LRRTM4: variants seen among roughly 807,000 people sequenced by gnomAD.
The protein encoded by LRRTM4 is leucine rich repeat transmembrane neuronal 4.
Under a neutral mutation model 47.6 loss-of-function variants are expected in LRRTM4, and 25 were observed. The observed-to-expected ratio is 0.53, with a 90% CI of 0.38 to 0.73. LRRTM4 has a LOEUF of 0.73. Among genes scored for constraint, LRRTM4 ranks in the 30% least tolerant of loss-of-function variants. The probability of loss-of-function intolerance (pLI) is 0.00; values close to 1 mark genes in which losing one functional copy is unlikely to be tolerated. For missense variants in LRRTM4, 638 were observed against 713.4 expected (o/e 0.89, Z 1.20); for synonymous variants, 311 against 269.5 (o/e 1.15, Z -1.51).
intron 3 of LRRTM4, among the ~76,000 whole-genome samples, chr2:77,185,727 C>T (rs1199667644): frequency 6.6e-6 from 1 of 152,118 alleles, no homozygotes; most frequent in African/African-American, 2.4e-5. Flanking sequence ...TAAACCTACA[C>T]TATCCCCTGA....
intron 3 of LRRTM4, among the ~76,000 whole-genome samples, chr2:76,883,569 C>A (rs62170282): frequency 0.13 from 20,139 of 152,112 alleles, 1,704 homozygotes; most frequent in Admixed American, 0.21. Flanking sequence ...AAAGCTAGGA[C>A]AGAGGAACTG....
intron 3 of LRRTM4, among the ~76,000 whole-genome samples, chr2:77,392,288 C>G (rs564635494): frequency 2.0e-5 from 3 of 152,018 alleles, no homozygotes; most frequent in Admixed American, 6.6e-5. Context: ...AGCCCTGCCC[C>G]CCACCCATCC....
intron 3 of LRRTM4, among the ~76,000 whole-genome samples, chr2:76,835,460 G>C (rs562615307): frequency 1.3e-5 from 2 of 152,168 alleles, no homozygotes; most frequent in South Asian, 2.1e-4. Flanking sequence ...GAAGATTTCT[G>C]ATTTATTCTT....
chr2:77,421,667 A>G (rs984886006), intron 3 of LRRTM4, among the ~76,000 whole-genome samples: 2 of 151,864 alleles, frequency 1.3e-5, no homozygotes, highest in Non-Finnish European at 2.9e-5. Context: ...AGATCACACC[A>G]CTGCACTCCA....
At chr2:77,309,972 T>C (rs1677405678) in intron 3 of LRRTM4, among the ~76,000 whole-genome samples, 1 of 152,272 alleles carries the variant, frequency 6.6e-6, no homozygotes, top group African/African-American at 2.4e-5. Context: ...TACCATACAA[T>C]GGCCAACTTG....
At chr2:76,990,100 C>T (rs1676950215) in intron 3 of LRRTM4, among the ~76,000 whole-genome samples, 2 of 151,726 alleles carry the variant, frequency 1.3e-5, no homozygotes, top group African/African-American at 2.4e-5. Flanking sequence ...GCCTTAATCA[C>T]TCTTTACCAG....
At chr2:76,787,974 T>G (rs1674770755) in intron 3 of LRRTM4, among the ~76,000 whole-genome samples, 1 of 152,160 alleles carries the variant, frequency 6.6e-6, no homozygotes, top group East Asian at 1.9e-4. Context: ...TAATGATTTT[T>G]TACTTTGAAA....
intron 3 of LRRTM4, among the ~76,000 whole-genome samples, chr2:77,271,732 C>A (rs1310444475): frequency 6.6e-6 from 1 of 152,172 alleles, no homozygotes; most frequent in Non-Finnish European, 1.5e-5. Flanking sequence ...CTGATTATGT[C>A]CATCCTTCCT....
At chr2:77,456,151 C>T (rs58633072) in intron 3 of LRRTM4, among the ~76,000 whole-genome samples, 8,313 of 152,162 alleles carry the variant, frequency 0.055, 697 homozygotes, top group African/African-American at 0.19. Flanking sequence ...TGACTAAATT[C>T]AATTTATGCT....
chr2:77,374,298 G>A (rs1672753303), intron 3 of LRRTM4, among the ~76,000 whole-genome samples: 1 of 151,778 alleles, frequency 6.6e-6, no homozygotes, highest in Non-Finnish European at 1.5e-5. Context: ...GAAAGCAGAA[G>A]AGTAAACTGA....
intron 3 of LRRTM4, among the ~76,000 whole-genome samples, chr2:76,758,810 G>A (rs375972986): frequency 1.6e-4 from 25 of 151,966 alleles, no homozygotes; most frequent in African/African-American, 4.6e-4. Context: ...GTTGGCAAAC[G>A]TTTTCTATAA....
chr2:77,263,845 T>G (rs190382942), intron 3 of LRRTM4, among the ~76,000 whole-genome samples: 1 of 152,196 alleles, frequency 6.6e-6, no homozygotes, highest in African/African-American at 2.4e-5. Flanking sequence ...ATACCTAGAT[T>G]TCACATGGTC....
At chr2:76,972,752 G>C (rs1402849627) in intron 3 of LRRTM4, among the ~76,000 whole-genome samples, 8 of 151,930 alleles carry the variant, frequency 5.3e-5, no homozygotes, top group Non-Finnish European at 1.2e-4. Context: ...TCTGTGTGCA[G>C]TGTGGTAGTG....
chr2:76,805,783 T>TA (rs1160382612), intron 3 of LRRTM4, among the ~76,000 whole-genome samples: 1 of 151,988 alleles, frequency 6.6e-6, no homozygotes, highest in Non-Finnish European at 1.5e-5. Flanking sequence ...TAGTTCCTCT[T>TA]ACTTCCCCTT....
chr2:76,802,553 T>G (rs955548450), intron 3 of LRRTM4, among the ~76,000 whole-genome samples: 1 of 152,106 alleles, frequency 6.6e-6, no homozygotes, highest in Non-Finnish European at 1.5e-5. Flanking sequence ...TACAAATGAT[T>G]CAATGTAATC....
At chr2:77,327,456 T>C (rs1456213032) in intron 3 of LRRTM4, among the ~76,000 whole-genome samples, 1 of 152,196 alleles carries the variant, frequency 6.6e-6, no homozygotes, top group Non-Finnish European at 1.5e-5. Context: ...CCATGTATAA[T>C]AAAGATTGTT....
At chr2:76,890,760 G>C (rs561926154) in intron 3 of LRRTM4, among the ~76,000 whole-genome samples, 1 of 151,958 alleles carries the variant, frequency 6.6e-6, no homozygotes, top group South Asian at 2.1e-4. Flanking sequence ...AAACATAATA[G>C]GTGGAAAGAG....
At chr2:76,869,518 G>GAA (rs766845185) in intron 3 of LRRTM4, among the ~76,000 whole-genome samples, 28 of 152,138 alleles carry the variant, frequency 1.8e-4, no homozygotes, top group Non-Finnish European at 3.7e-4. Flanking sequence ...AGGCTGATTT[G>GAA]AAAAATGAAT....
chr2:77,158,459 T>C (rs1672620251), intron 3 of LRRTM4, among the ~76,000 whole-genome samples: 1 of 152,186 alleles, frequency 6.6e-6, no homozygotes, highest in African/African-American at 2.4e-5. Context: ...CTGTTACATT[T>C]CAAATCCTGT....
Sources: allele counts gnomAD v4.1 joint callset (sites outside exome capture counted in the v4.1 genomes callset), GRCh38; gene constraint gnomAD v4.1.1; transcripts MANE v1.5; gene names NCBI Gene and HGNC (gene_info 2026-07-23, HGNC 2026-07-21).